The following MATN1 variants were observed in gnomAD, a reference collection of about 807,000 sequenced individuals.
MATN1 encodes matrilin-1.
In MATN1, 34 loss-of-function variants were observed where a neutral mutation model predicts 41.3. That is an observed-to-expected ratio of 0.82 (90% CI 0.63 to 1.10). MATN1 has a LOEUF of 1.10. Among genes scored for constraint, MATN1 ranks in the 50% least tolerant of loss-of-function variants. The probability of loss-of-function intolerance (pLI) is 0.00; values close to 1 mark genes in which losing one functional copy is unlikely to be tolerated. For synonymous variants in MATN1, 264 were observed against 278.7 expected (o/e 0.95, Z 0.53); for missense variants, 602 against 662.4 (o/e 0.91, Z 1.00).
At chr1:30,714,390 A>G (rs1569826001) in intron 6 of MATN1, 63 bp from the exon 7 acceptor site, 1 of 1,371,184 alleles carries the variant, frequency 7.3e-7, no homozygotes, top group Non-Finnish European at 1.0e-6. Context: ...AGGAGGAGGG[A>G]GGACAGTCAC....
chr1:30,720,576 G>A (rs1234473394), intron 2 of MATN1: 1 of 152,680 alleles, frequency 6.5e-6, no homozygotes, highest in Non-Finnish European at 1.5e-5. Flanking sequence ...TATCCACTGT[G>A]TGCTAGAGAG....
intron 7 of MATN1, 47 bp downstream of exon 7, chr1:30,714,200 C>A (rs756625250): frequency 6.8e-7 from 1 of 1,477,174 alleles, no homozygotes; most frequent in Non-Finnish European, 9.3e-7. Context: ...TCCCCCAACA[C>A]TGGCCTGCGC....
chr1:30,717,142 G>A (rs1639628472), intron 3 of MATN1, among the ~76,000 whole-genome samples: 1 of 152,220 alleles, frequency 6.6e-6, no homozygotes, highest in Non-Finnish European at 1.5e-5. Context: ...AGAATGAAAA[G>A]TCTCACTAAA....
rs1012634204 is a variant in MATN1, at chr1:30,713,241, G to A, written c.*341C>T. 7.3e-6 allele frequency: 2 copies of A among 274,966 alleles called. No homozygotes were observed. The highest frequency in any genetic ancestry group is 4.6e-5 in the African/African-American group (2 of 43,670). The allele number at this position is 274,966 out of a possible 1,614,324, so 17.0% of individuals were successfully genotyped here. A position where few individuals can be genotyped will look rare whatever the true frequency, so the allele number is the denominator to read the frequency against. On this transcript the variant is annotated 3_prime_UTR_variant, in exon 8 of 8. Transcript: ENST00000373765. ...TCACAGCACTCAGAGTCAAGAAAGG[G>A]TTAACTAAAAAAGATGGGAATATAT...
At chr1:30,721,305 C>T in intron 2 of MATN1, 100 bp downstream of exon 2, 1 of 1,190,938 alleles carries the variant, frequency 8.4e-7, no homozygotes, top group East Asian at 2.4e-5. Flanking sequence ...ATGGCCACCT[C>T]ACGGGGCATC....
intron 6 of MATN1, 53 bp downstream of exon 6, chr1:30,715,104 T>A: frequency 6.3e-7 from 1 of 1,597,816 alleles, no homozygotes; most frequent in South Asian, 1.1e-5. Flanking sequence ...TGGCTCCACC[T>A]CCACAGTGCC....
intron 3 of MATN1, 106 bp from the exon 4 acceptor site, chr1:30,717,021 G>A (rs1216147055): frequency 7.7e-6 from 10 of 1,294,542 alleles, no homozygotes; most frequent in Non-Finnish European, 1.0e-5. Context: ...CCAGACTCAG[G>A]GAAACTAAGA....
chr1:30,715,902 C>A lies in MATN1; in HGVS notation c.1207+7G>T, dbSNP rs1639612326. On this transcript the variant is annotated splice_region_variant and intron_variant, in intron 5 of 7. Transcript: ENST00000373765. ...TGGTGTCCAGGGTCCAGGCAGGCAA[C>A]ACCTACCGAGGTCTTTGGCCTTCTT... The A allele has an allele frequency of 1.9e-6, 3 of 1,608,558 alleles. No individual in the cohort carries two copies. The African/African-American group carries it at 4.0e-5, about 21-fold the overall frequency.
In MATN1 at chr1:30,715,361, A is replaced by G. The variant is rs768458607; in HGVS notation, c.1208-52T>C. ...GCTGGACATGGGGATGGGCAACCAT[A>G]TGGCTGAGCCTCCTGGGGAAGGCTT... On this transcript the variant is annotated intron_variant, in intron 5 of 7. Coordinates refer to ENST00000373765, the MANE Select transcript of MATN1 (RefSeq NM_002379.3). 5.6e-6 allele frequency: 9 copies of G among 1,594,338 alleles called. No homozygotes were observed. In the South Asian group the frequency reaches 6.7e-5, roughly 12 times the overall value.
chr1:30,714,039 C>T (rs572166259), intron 7 of MATN1: 21 of 598,220 alleles, frequency 3.5e-5, no homozygotes, highest in Non-Finnish European at 5.7e-5. Flanking sequence ...GCTTCTGCCT[C>T]ATTTTCTTGT....
chr1:30,722,707 CAAAGAGGA>C (rs1557453761), intron 1 of MATN1, among the ~76,000 whole-genome samples: 1 of 152,216 alleles, frequency 6.6e-6, no homozygotes, highest in Non-Finnish European at 1.5e-5. Context: ...GAGCCAATCC[CAAAGAGGA>C]AAGGGGAAAC....
At chr1:30,714,197 A>G (rs1639588259) in intron 7 of MATN1, 50 bp downstream of exon 7, 8 of 1,483,984 alleles carry the variant, frequency 5.4e-6, no homozygotes, top group South Asian at 2.4e-5. Context: ...GCCTCCCCCA[A>G]CACTGGCCTG....
rs1017401691 is a variant in MATN1 at position 30,713,185 on chromosome 1, C to A, written c.*397G>T. 2 of 213,488 alleles carry A rather than the reference C, an allele frequency of 9.4e-6. No individual in the cohort carries two copies. Among genetic ancestry groups the A allele is most frequent in the Non-Finnish European group, 1.9e-5 (2 of 102,770 alleles). The allele number at this position is 213,488 out of a possible 1,614,324, so 13.2% of individuals were successfully genotyped here. On this transcript the variant is annotated 3_prime_UTR_variant, in exon 8 of 8. Coordinates refer to ENST00000373765, the MANE Select transcript of MATN1 (RefSeq NM_002379.3). ...CGTTAAATCACATTTAATTGTTTCT[C>A]ACCGGAGAATAGAGAAATCAGTAAA...
chr1:30,714,155 T>C, intron 7 of MATN1, 92 bp downstream of exon 7: 2 of 1,060,688 alleles, frequency 1.9e-6, no homozygotes, highest in South Asian at 2.8e-5. Flanking sequence ...AAGAGAAGCC[T>C]GCCCAACTGA....
Position 30,712,081 on chromosome 1 carries a change from G to T in MATN1, c.*1501C>A, listed in dbSNP as rs1018030633. The T allele has an allele frequency of 6.6e-6, 1 of 152,330 alleles. No homozygotes were observed. Among genetic ancestry groups the T allele is most frequent in the Non-Finnish European group, 1.5e-5 (1 of 68,040 alleles). 9.4% of individuals were successfully genotyped at this position (152,330 alleles called of 1,614,324 possible). On this transcript the variant is annotated 3_prime_UTR_variant, in exon 8 of 8. Transcript: ENST00000373765. ...TATTCTGCCTCTTTGAACTGCCTCC[G>T]AGGAAGATCTTTCGGTGTGGTCTGA...
chr1:30,717,004 G>A, intron 3 of MATN1, 89 bp from the exon 4 acceptor site: 2 of 1,386,630 alleles, frequency 1.4e-6, no homozygotes, highest in Non-Finnish European at 1.9e-6. Context: ...TGGATACCAG[G>A]CCCCATCCAG....
At chr1:30,716,435 T>G (rs1028235218) in intron 4 of MATN1, 110 bp from the exon 5 acceptor site, 16 of 1,164,216 alleles carry the variant, frequency 1.4e-5, no homozygotes, top group Admixed American at 2.3e-5. Context: ...GATCATTACA[T>G]TGTGCCCTCA....
rs10531531 is a variant in MATN1 at position 30,713,377 on chromosome 1, G to GCA, written c.*203_*204dup. ...CTCATGCCCACCCTCAGGCGCACGT[G>GCA]CACACACACACACACACACACACAT... On this transcript the variant is annotated 3_prime_UTR_variant, in exon 8 of 8. Coordinates refer to ENST00000373765, the MANE Select transcript of MATN1 (RefSeq NM_002379.3). 4,025 of 547,148 alleles carry GCA rather than the reference G, an allele frequency of 7.4e-3. 17 individuals carry two copies. The highest frequency in any genetic ancestry group is 0.021 in the African/African-American group (1,073 of 51,870). The allele number at this position is 547,148 out of a possible 1,614,324, so 33.9% of individuals were successfully genotyped here.
intron 3 of MATN1, 165 bp downstream of exon 3, chr1:30,718,570 C>G (rs1163405746): frequency 3.8e-6 from 1 of 264,112 alleles, no homozygotes; most frequent in Non-Finnish European, 6.5e-6. Context: ...CATTCTATCT[C>G]TCTCCCGTCT....
Sources: allele counts gnomAD v4.1 joint callset (sites outside exome capture counted in the v4.1 genomes callset), GRCh38; gene constraint gnomAD v4.1.1; transcripts MANE v1.5; gene names NCBI Gene and HGNC (gene_info 2026-07-23, HGNC 2026-07-21).